Variants in OR8B8 observed in about 807,000 individuals in gnomAD.
The protein encoded by OR8B8 is olfactory receptor 8B8.
In OR8B8, 8 loss-of-function variants were observed where a neutral mutation model predicts 10.5. That is an observed-to-expected ratio of 0.76 (90% confidence interval 0.45 to 1.38). OR8B8 has a LOEUF of 1.38. OR8B8 is among the 40% of genes most tolerant of loss of function. The pLI is 0.00. For missense variants in OR8B8, 390 were observed against 380.5 expected (o/e 1.03, Z -0.21); for synonymous variants, 150 against 145.2 (o/e 1.03, Z -0.24).
At position 124,440,376 on chromosome 11, in the gene OR8B8, G is replaced by T. The variant is rs537916798; in HGVS notation, c.710C>A (p.Ala237Asp). Residue 237 changes from alanine to aspartate, a missense_variant, in exon 3 of 3, where the codon GCC becomes GAC. Physicochemically the swap from Ala to Asp is moderately radical, Grantham distance 126. Transcript: ENST00000642064. ...TATGTGGGAGCTGCAGGTGCTGAAG[G>T]CTTTGGACCTGCCCTCCGTGGAATC... Reference protein sequence around the residue: ...HIDSTEGRSKAFSTCSSHIIA... With the variant: ...HIDSTEGRSKDFSTCSSHIIA... The T allele has an allele frequency of 2.5e-5, 41 of 1,614,182 alleles. No individual in the cohort carries two copies. The African/African-American group carries it at 4.3e-4, about 17-fold the overall frequency.
At chr11:124,441,133 A>G (rs1861471537) in intron 2 of OR8B8, 32 bp from the exon 3 acceptor site, 1 of 1,392,668 alleles carries the variant, frequency 7.2e-7, no homozygotes, top group African/African-American at 1.4e-5. Context: ...TTATTTAGAG[A>G]GAGAGAGAGA....
rs1348728892 is a variant in OR8B8 at position 124,440,703 on chromosome 11, T to C, written c.383A>G (p.Asn128Ser). 6.2e-7 allele frequency: 1 copy of C among 1,613,982 alleles called. No homozygotes were observed. The highest frequency in any genetic ancestry group is 1.7e-5 in the Admixed American group (1 of 60,000). ...CATGGTGACCATGTACAACAGTGGGTTACAGATGGCCACATAGCGGTCATA... is the reference window on the plus strand; with the variant it reads ...CATGGTGACCATGTACAACAGTGGGCTACAGATGGCCACATAGCGGTCATA... Reference protein sequence around the residue: ...MAYDRYVAICNPLLYMVTMSP... With the variant: ...MAYDRYVAICSPLLYMVTMSP... Residue 128 changes from asparagine to serine, a missense_variant, in exon 3 of 3, where the codon AAC (asparagine) becomes AGC (serine). Asn to Ser is a conservative substitution (Grantham distance 46, BLOSUM62 1). Coordinates refer to ENST00000642064, the MANE Select transcript of OR8B8 (RefSeq NM_012378.2).
Position 124,440,309 on chromosome 11 carries a change from G to T in OR8B8, c.777C>A (p.Tyr259Ter), listed in dbSNP as rs548300768. 6.1e-5 allele frequency: 98 copies of T among 1,614,188 alleles called. 2 individuals carry two copies. In the South Asian group the frequency reaches 1.1e-3, roughly 18 times the overall value. The change falls in exon 3 of 3, where the codon TAC becomes TAA. Residue 259 changes from tyrosine to a stop codon, truncating the protein, a stop_gained. Coordinates refer to ENST00000642064, the MANE Select transcript of OR8B8 (RefSeq NM_012378.2). LOFTEE classifies it high-confidence loss of function. ...SLFFGSGAFM[Y>*]LKPFSLLAMN... ...TAGCTAAAAGAGAAAAGGGTTTGAG[G>T]TACATGAATGCTCCTGACCCAAAGA... is the stretch of plus-strand genomic sequence containing the variant.
Position 124,440,279 on chromosome 11 carries a change from G to C in OR8B8, c.807C>G (p.Asn269Lys), listed in dbSNP as rs1861452033. Residue 269 changes from asparagine to lysine, a missense_variant, in exon 3 of 3, where the codon AAC (asparagine) becomes AAG (lysine). Coordinates refer to ENST00000642064, the MANE Select transcript of OR8B8 (RefSeq NM_012378.2). ...YLKPFSLLAM[N>K]QGKVSSLFYT... is the part of the protein sequence containing the mutation. ...AGAATAGGGAAGACACCTTGCCCTG[G>C]TTCATAGCTAAAAGAGAAAAGGGTT... 5 of 1,614,182 alleles carry C rather than the reference G, an allele frequency of 3.1e-6. No individual in the cohort carries two copies. The South Asian group carries it at 5.5e-5, about 18-fold the overall frequency.
At chr11:124,443,150 T>G (rs1861494176) in intron 1 of OR8B8, among the ~76,000 whole-genome samples, 1 of 145,212 alleles carries the variant, frequency 6.9e-6, no homozygotes, top group South Asian at 2.1e-4. Flanking sequence ...CCAGTCAGAG[T>G]TGGTTGGTGG....
chr11:124,445,412 G>C (rs1861518136), intron 1 of OR8B8, among the ~76,000 whole-genome samples, 164 bp downstream of exon 1: 1 of 152,164 alleles, frequency 6.6e-6, no homozygotes, highest in South Asian at 2.1e-4. Context: ...GGATAAGGCA[G>C]CTGAAGTGGT....
rs1374087236 is a variant in OR8B8 at position 124,440,458 on chromosome 11, G to A, written c.628C>T (p.Pro210Ser). ...FVVVGIDIGV[P>S]TVTIFISYAL... is the part of the protein sequence containing the mutation. ...TAGGAAATGAAGATGGTGACTGTGG[G>A]CACACCAATATCAATGCCCACAACA... Residue 210 changes from proline to serine, a missense_variant, in exon 3 of 3, where the codon CCC becomes TCC. Transcript: ENST00000642064. 1.9e-6 allele frequency: 3 copies of A among 1,614,120 alleles called. No homozygotes were observed. In the African/African-American group the frequency reaches 4.0e-5, roughly 22 times the overall value.
intron 1 of OR8B8, among the ~76,000 whole-genome samples, chr11:124,443,593 A>G (rs1861498073): frequency 6.6e-6 from 1 of 152,258 alleles, no homozygotes; most frequent in Non-Finnish European, 1.5e-5. Context: ...GCTTTTTAGC[A>G]CATGACAAGT....
Position 124,440,921 on chromosome 11 carries a change from C to G in OR8B8, c.165G>C (p.Leu55Phe), listed in dbSNP as rs1293035541. The G allele has an allele frequency of 1.2e-6, 2 of 1,613,960 alleles. No homozygotes were observed. The highest frequency in any genetic ancestry group is 1.7e-6 in the Non-Finnish European group (2 of 1,180,020). Residue 55 changes from leucine to phenylalanine, a missense_variant, in exon 3 of 3, where the codon TTG (leucine) becomes TTC (phenylalanine). Coordinates refer to ENST00000642064, the MANE Select transcript of OR8B8 (RefSeq NM_012378.2). ...LITLIRLNSH[L>F]HTPMYFFLYN... is the part of the protein sequence containing the mutation. The stretch of plus-strand genomic sequence containing the variant: ...AGAGGAAGAAGTACATAGGGGTGTG[C>G]AAGTGAGAGTTGAGCCTTATCAGGG...
intron 1 of OR8B8, among the ~76,000 whole-genome samples, chr11:124,442,459 T>C (rs1489102317): frequency 6.6e-6 from 1 of 152,250 alleles, no homozygotes; most frequent in South Asian, 2.1e-4. Context: ...CTATCACTTA[T>C]ATTTCAGTTC....
intron 1 of OR8B8, among the ~76,000 whole-genome samples, chr11:124,444,449 C>A (rs1861506441): frequency 6.6e-6 from 1 of 152,184 alleles, no homozygotes; most frequent in Non-Finnish European, 1.5e-5. Context: ...TAGGGATTAG[C>A]CACGACAAAT....
chr11:124,445,058 C>A (rs2134240802), intron 1 of OR8B8, among the ~76,000 whole-genome samples: 1 of 152,312 alleles, frequency 6.6e-6, no homozygotes, highest in African/African-American at 2.4e-5. Context: ...TATCACACCA[C>A]AAAAGCCAAA....
At position 124,440,083 on chromosome 11, in the gene OR8B8, T is replaced by C. The variant is rs1357213820; in HGVS notation, c.*67A>G. The stretch of plus-strand genomic sequence containing the variant: ...TTGAGGAAAAATTATATTTCTTCCA[T>C]GTAACCAGTGGAGTCCAAATCACTT... On this transcript the variant is annotated 3_prime_UTR_variant, in exon 3 of 3. Coordinates refer to ENST00000642064, the MANE Select transcript of OR8B8 (RefSeq NM_012378.2). 4 of 1,260,322 alleles carry C rather than the reference T, an allele frequency of 3.2e-6. No individual in the cohort carries two copies. Among genetic ancestry groups the C allele is most frequent in the South Asian group, 1.4e-5 (1 of 69,992 alleles). The allele number at this position is 1,260,322 out of a possible 1,614,324, so 78.1% of individuals were successfully genotyped here. A position where few individuals can be genotyped will look rare whatever the true frequency, so the allele number is the denominator to read the frequency against.
intron 1 of OR8B8, 81 bp downstream of exon 1, chr11:124,445,495 G>C (rs1438849827): frequency 6.6e-6 from 1 of 152,132 alleles, no homozygotes; most frequent in Non-Finnish European, 1.5e-5. Flanking sequence ...CCTTCTTCCA[G>C]TCCTGTGTGT....
At position 124,437,676 on chromosome 11, in the gene OR8B8, G is replaced by A. The variant is rs867839628; in HGVS notation, c.*2474C>T. On this transcript the variant is annotated 3_prime_UTR_variant, in exon 3 of 3. Transcript: ENST00000642064. Reference sequence around the variant, plus strand: ...TGTGTGTGTGTGTGTGTGCGCGCGCGCGTGCGTGCGTGCTGGGATTACAGG... The same window carrying A: ...TGTGTGTGTGTGTGTGTGCGCGCGCACGTGCGTGCGTGCTGGGATTACAGG... The A allele has an allele frequency of 1.4e-4, 22 of 153,092 alleles. No individual in the cohort carries two copies. Among genetic ancestry groups the A allele is most frequent in the South Asian group, 2.1e-4 (1 of 4,862 alleles). The allele number at this position is 153,092 out of a possible 1,614,324, so 9.5% of individuals were successfully genotyped here.
At chr11:124,443,648 A>G (rs116477089) in intron 1 of OR8B8, among the ~76,000 whole-genome samples, 2,340 of 152,242 alleles carry the variant, frequency 0.015, 53 homozygotes, top group African/African-American at 0.052. Flanking sequence ...TTCTCTGCCT[A>G]CTATCCTGAA....
At chr11:124,443,217 A>C (rs1421667827) in intron 1 of OR8B8, among the ~76,000 whole-genome samples, 1 of 152,190 alleles carries the variant, frequency 6.6e-6, no homozygotes, top group Non-Finnish European at 1.5e-5. Context: ...GTCTGGAGGA[A>C]GTTCACCTGG....
At position 124,440,275 on chromosome 11, in the gene OR8B8, C is replaced by A; in HGVS notation, c.811G>T (p.Gly271Cys). 6.2e-7 allele frequency: 1 copy of A among 1,614,086 alleles called. No homozygotes were observed. The highest frequency in any genetic ancestry group is 8.5e-7 in the Non-Finnish European group (1 of 1,180,014). The change falls in exon 3 of 3, where the codon GGC (glycine) becomes TGC (cysteine). Residue 271 changes from glycine (G) to cysteine (C), a missense_variant. Gly to Cys is a radical substitution (Grantham distance 159). Coordinates refer to ENST00000642064, the MANE Select transcript of OR8B8 (RefSeq NM_012378.2). ...KPFSLLAMNQ[G>C]KVSSLFYTTV... ...GTATAGAATAGGGAAGACACCTTGC[C>A]CTGGTTCATAGCTAAAAGAGAAAAG...
rs61912424 is a variant in OR8B8, at chr11:124,440,796, C to T, written c.290G>A (p.Cys97Tyr). ...AAGAAAGAAGAAGAGCTGAGTCATACACCCTGCGTAGGAGATGCTGTTCTT... is the reference window on the plus strand; with the variant it reads ...AAGAAAGAAGAAGAGCTGAGTCATATACCCTGCGTAGGAGATGCTGTTCTT... ...LKKNSISYAG[C>Y]MTQLFFFLFF... The change falls in exon 3 of 3, where the codon TGT (cysteine) becomes TAT (tyrosine). Residue 97 changes from cysteine to tyrosine, a missense_variant. Coordinates refer to ENST00000642064, the MANE Select transcript of OR8B8 (RefSeq NM_012378.2). 4 of 1,614,106 alleles carry T rather than the reference C, an allele frequency of 2.5e-6. No homozygotes were observed. Among genetic ancestry groups the T allele is most frequent in the African/African-American group, 2.7e-5 (2 of 74,940 alleles).
Sources: gnomAD v4.1 joint callset for allele counts (sites outside exome capture counted in the v4.1 genomes callset) on GRCh38, gnomAD v4.1.1 for gene constraint, MANE v1.5 for transcripts, NCBI Gene and HGNC (gene_info 2026-07-23, HGNC 2026-07-21) for gene names.